DNAJC1: variants seen among roughly 807,000 people sequenced by gnomAD.
The protein encoded by DNAJC1 is dnaJ homolog subfamily C member 1.
A neutral mutation model predicts 76.6 loss-of-function variants in DNAJC1; 58 were observed. The observed-to-expected ratio is 0.76, with a 90% CI of 0.61 to 0.94. DNAJC1 has a LOEUF of 0.94. Ranked by LOEUF, DNAJC1 falls within the 40% of genes least tolerant of loss-of-function variation. The pLI is 0.00. For missense variants in DNAJC1, 689 were observed against 677.3 expected, an observed-to-expected ratio of 1.02 and a Z score of -0.19; for synonymous variants, 258 against 267.9, an observed-to-expected ratio of 0.96 and a Z score of 0.36.
At chr10:21,914,499 A>C (rs530157323) in intron 6 of DNAJC1, among the ~76,000 whole-genome samples, 4 of 152,278 alleles carry the variant, frequency 2.6e-5, no homozygotes, top group African/African-American at 9.6e-5. Context: ...TCTTTCACAG[A>C]TGTGTGTGTA....
chr10:21,900,466 T>C (rs1836632885), intron 7 of DNAJC1, among the ~76,000 whole-genome samples: 1 of 152,200 alleles, frequency 6.6e-6, no homozygotes, highest in Non-Finnish European at 1.5e-5. Flanking sequence ...AAACTAAGAC[T>C]GCATTATATT....
intron 1 of DNAJC1, among the ~76,000 whole-genome samples, chr10:21,955,490 TTTACA>T (rs1449557988): frequency 2.0e-5 from 3 of 152,156 alleles, no homozygotes; most frequent in African/African-American, 7.2e-5. Flanking sequence ...CACCTTTTAC[TTTACA>T]TATTTCTGTA....
At chr10:21,773,908 G>C (rs567385293) in intron 9 of DNAJC1, among the ~76,000 whole-genome samples, 1 of 151,356 alleles carries the variant, frequency 6.6e-6, no homozygotes, top group Non-Finnish European at 1.5e-5. Flanking sequence ...TTGGGAGGCC[G>C]AGGCGGGCGG....
At position 21,918,825 on chromosome 10, in the gene DNAJC1, C is replaced by A. The variant is rs774023774; in HGVS notation, c.683G>T (p.Gly228Val). Residue 228 changes from glycine (G) to valine (V), a missense_variant, in exon 6 of 12, where the codon GGG becomes GTG. Physicochemically the swap from Gly to Val is moderately radical, Grantham distance 109. Coordinates refer to ENST00000376980, the MANE Select transcript of DNAJC1 (RefSeq NM_022365.4). ...TTTTAGTGTAAGGCAAAACCAAATC[C>A]CCAGTTTGCATGGAAGCAAATCATG... ...QWHDLLPCKL[G>V]IWFCLTLKAL... 1.2e-6 allele frequency: 2 copies of A among 1,613,112 alleles called. No homozygotes were observed. Among genetic ancestry groups the A allele is most frequent in the South Asian group, 2.2e-5 (2 of 91,028 alleles).
chr10:21,836,160 G>C (rs976054204), intron 8 of DNAJC1, among the ~76,000 whole-genome samples: 1 of 152,306 alleles, frequency 6.6e-6, no homozygotes, highest in East Asian at 1.9e-4. Context: ...GAAGACAGCG[G>C]GGGCCAATAT....
rs1452979923 is a variant in DNAJC1, at chr10:21,840,906, T to C, written c.979-34807A>G. Among the ~76,000 whole-genome samples, 3 of 152,114 alleles carry C rather than the reference T, an allele frequency of 2.0e-5. No homozygotes were observed. In the East Asian group the frequency reaches 5.8e-4, roughly 29 times the overall value. On this transcript the variant is annotated intron_variant, in intron 8 of 11. Transcript: ENST00000376980. ...CATGGTACTGGTACCAAAACAGAGA[T>C]ATAGACCAAAGGAGCAGAACAGAGC... is the stretch of plus-strand genomic sequence containing the variant.
rs192512550 is a variant in DNAJC1, at chr10:21,883,183, G to A, written c.821-744C>T. Among the ~76,000 whole-genome samples, 6 of 151,748 alleles carry A rather than the reference G, an allele frequency of 4.0e-5. No homozygotes were observed. The East Asian group carries it at 1.2e-3, about 30-fold the overall frequency. On this transcript the variant is annotated intron_variant, in intron 7 of 11. Transcript: ENST00000376980. Reference sequence around the variant, plus strand: ...GAGACTCACTTGAGCCCAGGAGGTGGAGGGTGGGGTTAGCCAAGATCACAC... The same window carrying A: ...GAGACTCACTTGAGCCCAGGAGGTGAAGGGTGGGGTTAGCCAAGATCACAC...
At chr10:22,000,367 A>AACTT (rs1432806201) in intron 1 of DNAJC1, among the ~76,000 whole-genome samples, 2 of 152,156 alleles carry the variant, frequency 1.3e-5, no homozygotes, top group African/African-American at 4.8e-5. Context: ...CACCTCCCCC[A>AACTT]ACTTACTTAT....
intron 1 of DNAJC1, among the ~76,000 whole-genome samples, chr10:21,987,797 T>C (rs912137521): frequency 1.3e-5 from 2 of 152,198 alleles, no homozygotes; most frequent in African/African-American, 2.4e-5. Context: ...TATATGTTAG[T>C]AATATTAGCA....
intron 1 of DNAJC1, among the ~76,000 whole-genome samples, chr10:21,951,954 G>A (rs1837603556): frequency 6.6e-6 from 1 of 152,160 alleles, no homozygotes; most frequent in Non-Finnish European, 1.5e-5. Context: ...AACAAATAAA[G>A]CAACACATGG....
chr10:21,913,414 G>A (rs1453506617), intron 6 of DNAJC1, among the ~76,000 whole-genome samples: 1 of 152,058 alleles, frequency 6.6e-6, no homozygotes, highest in East Asian at 1.9e-4. Flanking sequence ...GTAATCACTT[G>A]GGATATGTGG....
intron 8 of DNAJC1, among the ~76,000 whole-genome samples, chr10:21,863,569 A>G (rs1213845449): frequency 2.0e-5 from 3 of 152,128 alleles, no homozygotes; most frequent in Non-Finnish European, 2.9e-5. Flanking sequence ...TAAATTATAG[A>G]CCAATATGTA....
chr10:21,804,527 C>T (rs1834858982), intron 9 of DNAJC1, among the ~76,000 whole-genome samples: 1 of 151,684 alleles, frequency 6.6e-6, no homozygotes, highest in South Asian at 2.1e-4. Flanking sequence ...TCATTATTAA[C>T]CTATCTTTTA....
intron 1 of DNAJC1, among the ~76,000 whole-genome samples, chr10:21,970,497 TA>T (rs1417669992): frequency 6.6e-6 from 1 of 152,062 alleles, no homozygotes; most frequent in Non-Finnish European, 1.5e-5. Flanking sequence ...TAAACATTTT[TA>T]AATTAAGGAT....
chr10:21,877,227 T>C (rs79809229), intron 8 of DNAJC1, among the ~76,000 whole-genome samples: 11,378 of 152,034 alleles, frequency 0.075, 1,371 homozygotes, highest in African/African-American at 0.26. Context: ...GGAGCCGTGA[T>C]TGCATCACTG....
chr10:21,809,782 C>A (rs1834935921), intron 8 of DNAJC1, among the ~76,000 whole-genome samples: 1 of 151,934 alleles, frequency 6.6e-6, no homozygotes, highest in Admixed American at 6.6e-5. Flanking sequence ...ATGCCCTTGA[C>A]AAATATATAT....
chr10:21,866,165 C>T (rs977882284), intron 8 of DNAJC1, among the ~76,000 whole-genome samples: 2 of 127,940 alleles, frequency 1.6e-5, no homozygotes, highest in African/African-American at 5.9e-5. Flanking sequence ...AGTACATAGA[C>T]AAGAGGTACA....
chr10:21,949,209 A>G lies in DNAJC1; in HGVS notation c.223-20068T>C, dbSNP rs192441354. ...GGGTTCAATTTTCTTCCTTCGCATTACATACCTATGAGAACCAGAAATAAA... is the reference window on the plus strand; with the variant it reads ...GGGTTCAATTTTCTTCCTTCGCATTGCATACCTATGAGAACCAGAAATAAA... On this transcript the variant is annotated intron_variant, in intron 1 of 11. Transcript: ENST00000376980. Among the ~76,000 whole-genome samples, 858 of 152,288 alleles carry G rather than the reference A, an allele frequency of 5.6e-3. 5 individuals carry two copies. The highest frequency in any genetic ancestry group is 0.04 in the South Asian group (194 of 4,828).
At chr10:21,980,152 T>A (rs558038537) in intron 1 of DNAJC1, among the ~76,000 whole-genome samples, 1 of 152,102 alleles carries the variant, frequency 6.6e-6, no homozygotes, top group East Asian at 1.9e-4. Context: ...GAAATGGCAG[T>A]GAACAAAAAC....
Sources: gnomAD v4.1 joint callset for allele counts (sites outside exome capture counted in the v4.1 genomes callset) on GRCh38, gnomAD v4.1.1 for gene constraint, MANE v1.5 for transcripts, NCBI Gene and HGNC (gene_info 2026-07-23, HGNC 2026-07-21) for gene names.